HDAC9: variants seen among roughly 807,000 people sequenced by gnomAD.
HDAC9 encodes the protein MEF-2 interacting transcription repressor (MITR) protein.
In HDAC9, 41 loss-of-function variants were observed where a neutral mutation model predicts 139.4. The observed-to-expected ratio is 0.29, with a 90% CI of 0.23 to 0.38. HDAC9 has a LOEUF of 0.38. Ranked by LOEUF, HDAC9 falls within the 10% of genes least tolerant of loss-of-function variation. The pLI, the probability that HDAC9 is intolerant of heterozygous loss-of-function variation, is 1.00. For missense variants in HDAC9, 1,147 were observed against 1,297.0 expected (o/e 0.88, Z 1.78); for synonymous variants, 517 against 476.2 (o/e 1.09, Z -1.12).
chr7:18,725,765 C>T (rs904302307), intron 12 of HDAC9, among the ~76,000 whole-genome samples: 1 of 152,184 alleles, frequency 6.6e-6, no homozygotes, highest in Non-Finnish European at 1.5e-5. Context: ...TTCCCTGTAA[C>T]AGTGAGTTCC....
chr7:18,312,555 A>G (rs1264901107), intron 1 of HDAC9, among the ~76,000 whole-genome samples: 2 of 152,148 alleles, frequency 1.3e-5, no homozygotes, highest in African/African-American at 4.8e-5. Flanking sequence ...GACATTAGGT[A>G]ATTTATAATC....
At chr7:18,895,570 G>T (rs1244845200) in intron 22 of HDAC9, among the ~76,000 whole-genome samples, 1 of 152,100 alleles carries the variant, frequency 6.6e-6, no homozygotes, top group African/African-American at 2.4e-5. Flanking sequence ...AGCTCATGAA[G>T]TGAGTCACTT....
intron 1 of HDAC9, among the ~76,000 whole-genome samples, chr7:18,156,174 C>A (rs891789217): frequency 1.3e-5 from 2 of 152,068 alleles, no homozygotes; most frequent in African/African-American, 4.8e-5. Context: ...GTTTATAGAG[C>A]TTGTCTAATA....
chr7:18,204,878 G>T (rs1342643889), intron 2 of HDAC9, among the ~76,000 whole-genome samples: 1 of 151,744 alleles, frequency 6.6e-6, no homozygotes, highest in African/African-American at 2.4e-5. Context: ...TAGTGTTAAA[G>T]CTCAAACTGT....
chr7:18,861,450 G>T (rs1798101959), intron 21 of HDAC9, among the ~76,000 whole-genome samples: 1 of 152,018 alleles, frequency 6.6e-6, no homozygotes, highest in Non-Finnish European at 1.5e-5. Flanking sequence ...TTACCATTTT[G>T]CCCAGCTCCC....
At chr7:18,773,183 C>T (rs753480208) in intron 16 of HDAC9, among the ~76,000 whole-genome samples, 13 of 151,972 alleles carry the variant, frequency 8.6e-5, no homozygotes, top group East Asian at 1.9e-4. Context: ...CTAAGTACAA[C>T]GAGATGCATT....
chr7:18,349,578 G>T (rs543223395), intron 1 of HDAC9, among the ~76,000 whole-genome samples: 1 of 151,698 alleles, frequency 6.6e-6, no homozygotes, highest in South Asian at 2.1e-4. Context: ...TGAATTGGGG[G>T]ACATATCTGA....
intron 6 of HDAC9, among the ~76,000 whole-genome samples, chr7:18,600,889 A>G (rs998627546): frequency 1.3e-4 from 20 of 152,184 alleles, no homozygotes; most frequent in African/African-American, 4.6e-4. Context: ...CAGTGGTGCA[A>G]TCTCCTGGGC....
intron 16 of HDAC9, among the ~76,000 whole-genome samples, chr7:18,773,593 A>G (rs964206834): frequency 6.6e-6 from 1 of 152,086 alleles, no homozygotes; most frequent in Non-Finnish European, 1.5e-5. Context: ...AAGCTGAGAA[A>G]GTAAAACATA....
At chr7:18,732,817 G>C in intron 13 of HDAC9, among the ~76,000 whole-genome samples, 2 of 85,986 alleles carry the variant, frequency 2.3e-5, no homozygotes, top group Non-Finnish European at 4.2e-5. Flanking sequence ...GTACACACAC[G>C]TGTGTATGTG....
At chr7:18,992,650 G>C (rs1244979720) in intron 25 of HDAC9, among the ~76,000 whole-genome samples, 1 of 151,970 alleles carries the variant, frequency 6.6e-6, no homozygotes, top group African/African-American at 2.4e-5. Context: ...TAAGATTTAA[G>C]AGAGAATACA....
chr7:18,755,223 G>A (rs919858406), intron 14 of HDAC9, among the ~76,000 whole-genome samples: 1 of 152,152 alleles, frequency 6.6e-6, no homozygotes, highest in Non-Finnish European at 1.5e-5. Flanking sequence ...ATATCACAGA[G>A]TGGACCCAGG....
intron 22 of HDAC9, among the ~76,000 whole-genome samples, chr7:18,927,519 G>T (rs1173839701): frequency 6.6e-6 from 1 of 152,098 alleles, no homozygotes; most frequent in African/African-American, 2.4e-5. Context: ...GACTTCCCTG[G>T]ATGTGCATTC....
intron 23 of HDAC9, among the ~76,000 whole-genome samples, chr7:18,946,051 A>T (rs1312264195): frequency 1.5e-5 from 2 of 135,914 alleles, no homozygotes; most frequent in African/African-American, 3.2e-5. Flanking sequence ...AAAAAAAAAA[A>T]AAAAAAAAAA....
chr7:18,418,305 G>A (rs1287614498), intron 1 of HDAC9, among the ~76,000 whole-genome samples: 1 of 151,482 alleles, frequency 6.6e-6, no homozygotes, highest in Non-Finnish European at 1.5e-5. Context: ...ACTTCAGAGA[G>A]TAAAACTCAA....
At chr7:18,667,100 G>A (rs1195579013) in intron 12 of HDAC9, 1 of 985,288 alleles carries the variant, frequency 1.0e-6, no homozygotes, top group Non-Finnish European at 1.2e-6. Context: ...TAGGAATACA[G>A]GTGGTTTTAA....
At chr7:18,899,598 ATTAT>A (rs1283560446) in intron 22 of HDAC9, among the ~76,000 whole-genome samples, 2 of 148,294 alleles carry the variant, frequency 1.3e-5, no homozygotes, top group African/African-American at 5.3e-5. Context: ...TAGTATATTA[ATTAT>A]TTCTTTGGAA....
At chr7:18,619,699 C>G (rs1392491041) in intron 6 of HDAC9, among the ~76,000 whole-genome samples, 1 of 152,126 alleles carries the variant, frequency 6.6e-6, no homozygotes, top group Non-Finnish European at 1.5e-5. Context: ...GTTGCATAAC[C>G]TCTATAAGTA....
chr7:18,104,175 A>C (rs945107506), intron 1 of HDAC9, among the ~76,000 whole-genome samples: 1 of 152,142 alleles, frequency 6.6e-6, no homozygotes, highest in Non-Finnish European at 1.5e-5. Flanking sequence ...TTTTTCTTTT[A>C]TCAACTTTAT....
Sources: allele counts gnomAD v4.1 joint callset (sites outside exome capture counted in the v4.1 genomes callset), GRCh38; gene constraint gnomAD v4.1.1; transcripts MANE v1.5; gene names NCBI Gene and HGNC (gene_info 2026-07-23, HGNC 2026-07-21).